Variants in RAD51B observed in about 807,000 individuals in gnomAD.
The protein encoded by RAD51B is RAD51 paralog B.
A neutral mutation model predicts 42.2 loss-of-function variants in RAD51B; 38 were observed. The ratio of observed to expected loss-of-function variants is 0.90; its 90% confidence interval spans 0.70 to 1.18. The LOEUF is 1.18. Among genes scored for constraint, RAD51B ranks in the 50% most tolerant of loss-of-function variants. The probability of loss-of-function intolerance (pLI) is 0.00; values close to 1 mark genes in which losing one functional copy is unlikely to be tolerated. For missense variants in RAD51B, 373 were observed against 400.7 expected (o/e 0.93, Z 0.59); for synonymous variants, 154 against 145.2 (o/e 1.06, Z -0.43).
intron 7 of RAD51B, among the ~76,000 whole-genome samples, chr14:68,113,297 C>G (rs2077488166): frequency 6.6e-6 from 1 of 152,010 alleles, no homozygotes; most frequent in Non-Finnish European, 1.5e-5. Context: ...TCGAAGAAAA[C>G]AACTCATAAG....
Position 68,159,619 on chromosome 14 carries a change from C to CA in RAD51B, c.757-132249dup, listed in dbSNP as rs113802276. ...TGGGTGACAGAGCAAAACTCCATCT[C>CA]AAAAAAAAAAAAAAAAGACAAAGTA... On this transcript the variant is annotated intron_variant, in intron 7 of 10. Coordinates refer to ENST00000471583, the MANE Select transcript of RAD51B (RefSeq NM_133510.4). Among the ~76,000 whole-genome samples the CA allele has an allele frequency of 0.022, 1,350 of 61,942 alleles. 42 individuals are homozygous for CA. The East Asian group carries it at 0.23, about 10-fold the overall frequency. 40.6% of individuals were successfully genotyped at this position (61,942 alleles called of 152,430 possible).
intron 10 of RAD51B, chr14:68,468,560 A>G (rs1046979448): frequency 3.6e-5 from 14 of 393,284 alleles, no homozygotes; most frequent in Non-Finnish European, 6.4e-5. Flanking sequence ...TGCAGATCCT[A>G]TGGCATGAAG....
intron 7 of RAD51B, among the ~76,000 whole-genome samples, chr14:68,188,631 T>C (rs1169757773): frequency 6.6e-6 from 1 of 152,248 alleles, no homozygotes; most frequent in Non-Finnish European, 1.5e-5. Flanking sequence ...ACATTCTTTC[T>C]AGCAATGAAC....
chr14:68,493,636 A>C (rs1884259082), intron 10 of RAD51B, among the ~76,000 whole-genome samples: 1 of 152,236 alleles, frequency 6.6e-6, no homozygotes, highest in South Asian at 2.1e-4. Flanking sequence ...GGGACAAAAC[A>C]ACCTAATGTA....
At chr14:68,181,678 A>G (rs2079063246) in intron 7 of RAD51B, among the ~76,000 whole-genome samples, 2 of 152,202 alleles carry the variant, frequency 1.3e-5, no homozygotes, top group Admixed American at 6.5e-5. Context: ...CTAGAAAGGA[A>G]GTTACGGGAA....
At chr14:68,618,249 A>C (rs1183023108) in intron 10 of RAD51B, among the ~76,000 whole-genome samples, 5 of 152,206 alleles carry the variant, frequency 3.3e-5, no homozygotes, top group Non-Finnish European at 7.3e-5. Context: ...GATTGCATCA[A>C]TGGGGCACCA....
chr14:68,647,806 G>A (rs1276541389), intron 10 of RAD51B, among the ~76,000 whole-genome samples: 1 of 151,906 alleles, frequency 6.6e-6, no homozygotes, highest in Non-Finnish European at 1.5e-5. Flanking sequence ...AGCCTCCCGA[G>A]TAGCCGGAAT....
rs79410866 is a variant in RAD51B at position 68,380,367 on chromosome 14, A to G, written c.854-31057A>G. ...CACACCTGATTAACTGACCACACAC[A>G]TGGTCTCAGAATGACATCTCACTTG... On this transcript the variant is annotated intron_variant, in intron 8 of 10. Coordinates refer to ENST00000471583, the MANE Select transcript of RAD51B (RefSeq NM_133510.4). 1.5e-3 allele frequency among the ~76,000 whole-genome samples: 224 copies of G among 152,334 alleles called. 7 individuals are homozygous for G. The East Asian group carries it at 0.041, about 28-fold the overall frequency.
At chr14:68,114,142 T>C (rs2077502959) in intron 7 of RAD51B, 1 of 152,086 alleles carries the variant, frequency 6.6e-6, no homozygotes, top group African/African-American at 2.4e-5. Context: ...GCCCTAGGAG[T>C]TGTGGTATCA....
downstream of RAD51B, among the ~76,000 whole-genome samples, chr14:68,599,157 T>C (rs1238487796): frequency 6.6e-6 from 1 of 152,164 alleles, no homozygotes; most frequent in East Asian, 1.9e-4. Context: ...CCCACACTCT[T>C]TGAACACAGG....
At chr14:68,602,846 C>T (rs1036200687) in intron 10 of RAD51B, among the ~76,000 whole-genome samples, 4 of 152,192 alleles carry the variant, frequency 2.6e-5, no homozygotes, top group Non-Finnish European at 4.4e-5. Context: ...ACCCATCATG[C>T]TTTTCATCTG....
chr14:68,638,166 T>C (rs1892379085), intron 10 of RAD51B, among the ~76,000 whole-genome samples: 1 of 152,230 alleles, frequency 6.6e-6, no homozygotes, highest in African/African-American at 2.4e-5. Context: ...AGGGCAACTG[T>C]GAGCTGACAT....
At chr14:68,283,164 G>A (rs1018241576) in intron 7 of RAD51B, among the ~76,000 whole-genome samples, 9 of 152,126 alleles carry the variant, frequency 5.9e-5, no homozygotes, top group African/African-American at 2.2e-4. Context: ...TCAAAGGGAG[G>A]GGAATCCCCA....
intron 7 of RAD51B, among the ~76,000 whole-genome samples, chr14:68,275,718 C>T (rs1258749210): frequency 2.6e-5 from 4 of 151,620 alleles, no homozygotes; most frequent in Non-Finnish European, 5.9e-5. Flanking sequence ...TTTTCCTTTC[C>T]TCTGTAATGG....
At chr14:68,234,178 G>A (rs2080201112) in intron 7 of RAD51B, among the ~76,000 whole-genome samples, 1 of 152,134 alleles carries the variant, frequency 6.6e-6, no homozygotes, top group South Asian at 2.1e-4. Flanking sequence ...TGTTTGAGTG[G>A]GACCTCCAGT....
At chr14:68,568,118 T>G (rs1339729448) in intron 10 of RAD51B, among the ~76,000 whole-genome samples, 1 of 152,142 alleles carries the variant, frequency 6.6e-6, no homozygotes, top group Admixed American at 6.5e-5. Context: ...TAACCACCAA[T>G]GATACAAAAA....
At chr14:68,282,900 A>C (rs1595657335) in intron 7 of RAD51B, among the ~76,000 whole-genome samples, 2 of 151,786 alleles carry the variant, frequency 1.3e-5, no homozygotes, top group South Asian at 4.2e-4. Context: ...GCTGGGGGGG[A>C]CCCGAGACTC....
At chr14:68,275,452 A>G (rs1459885978) in intron 7 of RAD51B, among the ~76,000 whole-genome samples, 1 of 151,998 alleles carries the variant, frequency 6.6e-6, no homozygotes, top group East Asian at 1.9e-4. Flanking sequence ...AAAAAAAAAA[A>G]GTAGTGGAAC....
intron 10 of RAD51B, among the ~76,000 whole-genome samples, chr14:68,543,249 A>T (rs1888059724): frequency 6.6e-6 from 1 of 152,218 alleles, no homozygotes; most frequent in Non-Finnish European, 1.5e-5. Flanking sequence ...CTTGGGCTGT[A>T]GTTTGCCAAC....
Sources: allele counts gnomAD v4.1 joint callset (sites outside exome capture counted in the v4.1 genomes callset), GRCh38; gene constraint gnomAD v4.1.1; transcripts MANE v1.5; gene names NCBI Gene and HGNC (gene_info 2026-07-23, HGNC 2026-07-21).